MACROD2: variants seen among roughly 807,000 people sequenced by gnomAD.
MACROD2 encodes ADP-ribose glycohydrolase MACROD2.
A neutral mutation model predicts 70.4 loss-of-function variants in MACROD2; 36 were observed. That is an observed-to-expected ratio of 0.51 (90% CI 0.39 to 0.68). MACROD2 has a LOEUF of 0.68. Ranked by LOEUF, MACROD2 falls within the 30% of genes least tolerant of loss-of-function variation. The pLI, the probability that MACROD2 is intolerant of heterozygous loss-of-function variation, is 0.00. For synonymous variants in MACROD2, 172 were observed against 178.8 expected (o/e 0.96, Z 0.30); for missense variants, 496 against 538.4 (o/e 0.92, Z 0.78).
At chr20:15,723,119 A>G (rs1040167233) in intron 8 of MACROD2, among the ~76,000 whole-genome samples, 1 of 152,206 alleles carries the variant, frequency 6.6e-6, no homozygotes, top group African/African-American at 2.4e-5. Flanking sequence ...ATCTTAAAAA[A>G]GAAAAAACTT....
At chr20:14,576,151 A>G (rs954674187) in intron 4 of MACROD2, among the ~76,000 whole-genome samples, 8 of 152,164 alleles carry the variant, frequency 5.3e-5, no homozygotes, top group African/African-American at 1.9e-4. Context: ...CACGACTGGT[A>G]TTTATGAAAG....
intron 5 of MACROD2, among the ~76,000 whole-genome samples, chr20:15,188,324 C>A (rs1030949682): frequency 6.6e-6 from 1 of 152,126 alleles, no homozygotes; most frequent in South Asian, 2.1e-4. Context: ...ATAGAAAATA[C>A]CTACTTTGTG....
intron 3 of MACROD2, among the ~76,000 whole-genome samples, chr20:14,130,719 A>G (rs1182824845): frequency 6.6e-6 from 1 of 152,094 alleles, no homozygotes; most frequent in Non-Finnish European, 1.5e-5. Flanking sequence ...AGAAGGCTTC[A>G]CAGTCGGGAT....
chr20:14,265,209 A>G (rs565856445), intron 3 of MACROD2, among the ~76,000 whole-genome samples: 7 of 152,352 alleles, frequency 4.6e-5, no homozygotes, highest in African/African-American at 7.2e-5. Flanking sequence ...TGCATTTCCA[A>G]GTATCACAGT....
intron 2 of MACROD2, among the ~76,000 whole-genome samples, chr20:14,071,074 G>A (rs1037770880): frequency 2.0e-5 from 3 of 152,076 alleles, no homozygotes; most frequent in Non-Finnish European, 4.4e-5. Context: ...ATGATCTTCA[G>A]GGAGTTTGAC....
chr20:15,077,049 G>C (rs747069395), intron 5 of MACROD2, among the ~76,000 whole-genome samples: 2 of 152,136 alleles, frequency 1.3e-5, no homozygotes, highest in African/African-American at 4.8e-5. Flanking sequence ...GTGGCAGTTA[G>C]CCAGAATAGG....
At chr20:14,917,502 C>A (rs1339836205) in intron 5 of MACROD2, among the ~76,000 whole-genome samples, 1 of 151,990 alleles carries the variant, frequency 6.6e-6, no homozygotes, top group Admixed American at 6.6e-5. Flanking sequence ...TGATTTCCAT[C>A]CAGGGAACTC....
chr20:15,046,416 A>G (rs1284630600), intron 5 of MACROD2, among the ~76,000 whole-genome samples: 2 of 152,184 alleles, frequency 1.3e-5, no homozygotes, highest in African/African-American at 2.4e-5. Flanking sequence ...ACCATGACCA[A>G]GATTAAACCC....
chr20:15,401,238 CTG>C (rs2045926565), intron 6 of MACROD2, among the ~76,000 whole-genome samples: 1 of 152,094 alleles, frequency 6.6e-6, no homozygotes, highest in Admixed American at 6.5e-5. Flanking sequence ...CGGGGTTTCA[CTG>C]TGTTAGCCAG....
intron 3 of MACROD2, among the ~76,000 whole-genome samples, chr20:14,271,248 A>G (rs1238454000): frequency 2.0e-5 from 3 of 152,176 alleles, no homozygotes; most frequent in Non-Finnish European, 4.4e-5. Flanking sequence ...ACCCCCCAGT[A>G]GGGGCAGACT....
chr20:15,803,901 G>A (rs2063747007), intron 8 of MACROD2, among the ~76,000 whole-genome samples: 1 of 152,190 alleles, frequency 6.6e-6, no homozygotes, highest in Non-Finnish European at 1.5e-5. Context: ...ACCTACTCTG[G>A]TTATTCTAAA....
chr20:14,705,651 T>C (rs2065558), intron 5 of MACROD2, among the ~76,000 whole-genome samples: 95,772 of 151,988 alleles, frequency 0.63, 30,400 homozygotes, highest in South Asian at 0.72. Flanking sequence ...ACCTTTTGAC[T>C]AAATGGGCAG....
intron 7 of MACROD2, among the ~76,000 whole-genome samples, chr20:15,458,208 T>C (rs1310329269): frequency 3.3e-5 from 5 of 152,328 alleles, no homozygotes; most frequent in African/African-American, 1.2e-4. Flanking sequence ...ATGCATGTGT[T>C]TTCATATACC....
intron 3 of MACROD2, among the ~76,000 whole-genome samples, chr20:14,318,095 G>A (rs2082629020): frequency 6.6e-6 from 1 of 152,256 alleles, no homozygotes; most frequent in South Asian, 2.1e-4. Flanking sequence ...TAAAATGCGA[G>A]TTTCCAGCAG....
chr20:15,183,874 T>G (rs2076517336), intron 5 of MACROD2, among the ~76,000 whole-genome samples: 1 of 152,186 alleles, frequency 6.6e-6, no homozygotes, highest in African/African-American at 2.4e-5. Context: ...ACCTATCAAA[T>G]AAACACACAG....
At chr20:14,482,355 A>G (rs1488230563) in intron 3 of MACROD2, among the ~76,000 whole-genome samples, 1 of 152,168 alleles carries the variant, frequency 6.6e-6, no homozygotes, top group African/African-American at 2.4e-5. Flanking sequence ...AAGTCTTCAT[A>G]TACTACAGTA....
intron 4 of MACROD2, among the ~76,000 whole-genome samples, chr20:14,505,494 C>T (rs1229652264): frequency 2.6e-5 from 4 of 152,146 alleles, no homozygotes; most frequent in Non-Finnish European, 2.9e-5. Context: ...GATAAAACAC[C>T]TAGAAAGTTC....
chr20:14,964,832 G>A (rs1053865613), intron 5 of MACROD2, among the ~76,000 whole-genome samples: 1 of 152,134 alleles, frequency 6.6e-6, no homozygotes, highest in African/African-American at 2.4e-5. Flanking sequence ...AGCTGGTTTG[G>A]TGTCACTTCT....
intron 8 of MACROD2, among the ~76,000 whole-genome samples, chr20:15,535,148 T>A (rs879333423): frequency 1.3e-5 from 2 of 152,066 alleles, no homozygotes; most frequent in Non-Finnish European, 2.9e-5. Context: ...GCTAATTTTT[T>A]AAAATTTTTG....
Sources: gnomAD v4.1 joint callset for allele counts (sites outside exome capture counted in the v4.1 genomes callset) on GRCh38, gnomAD v4.1.1 for gene constraint, MANE v1.5 for transcripts, NCBI Gene and HGNC (gene_info 2026-07-23, HGNC 2026-07-21) for gene names.